The following FMR1 variants were observed in gnomAD, a reference collection of about 807,000 sequenced individuals.
FMR1 encodes FMRP translational regulator 1.
In FMR1, 13 loss-of-function variants were observed where a neutral mutation model predicts 50.6. The ratio of observed to expected loss-of-function variants is 0.26; its 90% CI spans 0.17 to 0.41. The LOEUF is 0.41. FMR1 is among the 10% of genes least tolerant of loss of function. The pLI, the probability that FMR1 is intolerant of heterozygous loss-of-function variation, is 1.00. For synonymous variants in FMR1, 138 were observed against 164.1 expected, an observed-to-expected ratio of 0.84 and a Z score of 1.22; for missense variants, 316 against 491.3, an observed-to-expected ratio of 0.64 and a Z score of 3.37.
intron 9 of FMR1, among the ~76,000 whole-genome samples, chrX:147,932,971 G>A (rs986653806): frequency 9.2e-6 from 1 of 108,513 alleles, no homozygotes; most frequent in Non-Finnish European, 1.9e-5. Context: ...ATGTATACAC[G>A]TGACATGCTG....
intron 9 of FMR1, among the ~76,000 whole-genome samples, chrX:147,933,052 C>T (rs1282552552): frequency 2.7e-5 from 2 of 73,172 alleles, no homozygotes; most frequent in African/African-American, 1.1e-4. Flanking sequence ...CCCCCTCCCC[C>T]CACCCCACAA....
Position 147,950,121 on chromosome X carries a change from G to A in FMR1, c.*1277G>A, listed in dbSNP as rs1557183283. 3.1e-6 allele frequency: 1 copy of A among 323,772 alleles called. No individual in the cohort carries two copies. Among genetic ancestry groups the A allele is most frequent in the Non-Finnish European group, 5.9e-6 (1 of 168,576 alleles). The allele number at this position is 323,772 out of a possible 1,213,427, so 26.7% of individuals were successfully genotyped here. A position where few individuals can be genotyped will look rare whatever the true frequency, so the allele number is the denominator to read the frequency against. ...TGAAATTTATTGAGGAAAAATATGT[G>A]AAGGACCTTCACTCTAAGATGTTAT... On this transcript the variant is annotated 3_prime_UTR_variant, in exon 17 of 17. Transcript: ENST00000370475.
intron 1 of FMR1, among the ~76,000 whole-genome samples, chrX:147,920,400 C>G (rs2043102611): frequency 9.0e-6 from 1 of 111,662 alleles, no homozygotes; most frequent in Non-Finnish European, 1.9e-5. Context: ...TGGAATGCCT[C>G]TCCATCCTCC....
intron 14 of FMR1, 142 bp from the exon 15 acceptor site, chrX:147,944,727 G>A: frequency 9.5e-7 from 1 of 1,050,191 alleles, no homozygotes; most frequent in Admixed American, 4.3e-5. Flanking sequence ...TTTATGAAAT[G>A]GAAAGTGATA....
In FMR1 at chrX:147,936,341, G is replaced by T. The variant is rs782530601; in HGVS notation, c.881-163G>T. ...AACAGAAAACCAGATTAACCATCTT[G>T]TTGAAAAGAGTCTCTACTTTGGTTT... On this transcript the variant is annotated intron_variant, in intron 9 of 16. Transcript: ENST00000370475. 4.5e-5 allele frequency among the ~76,000 whole-genome samples: 5 copies of T among 112,115 alleles called. No individual in the cohort carries two copies. The South Asian group carries it at 1.8e-3, about 41-fold the overall frequency.
In FMR1 at chrX:147,948,988, T is replaced by G. The variant is rs1557182785; in HGVS notation, c.*144T>G. The G allele has an allele frequency of 1.6e-6, 1 of 621,708 alleles. No individual in the cohort carries two copies. The highest frequency in any genetic ancestry group is 3.6e-5 in the East Asian group (1 of 28,146). 51.2% of individuals were successfully genotyped at this position (621,708 alleles called of 1,213,427 possible). A position where few individuals can be genotyped will look rare whatever the true frequency, so the allele number is the denominator to read the frequency against. ...CACAAATTATGCTAAGAATTTTTTATTTTTTGGTATTGGCCATAAGCAACA... is the reference window on the plus strand; with the variant it reads ...CACAAATTATGCTAAGAATTTTTTAGTTTTTGGTATTGGCCATAAGCAACA... On this transcript the variant is annotated 3_prime_UTR_variant, in exon 17 of 17. Coordinates refer to ENST00000370475, the MANE Select transcript of FMR1 (RefSeq NM_002024.6).
In FMR1 at chrX:147,940,577, G is replaced by T; in HGVS notation, c.1190G>T (p.Gly397Val). ...TCATTGTTGCAATTTCTTTTTCAGG[G>T]TATGGTACCATTTGTTTTTGTGGGA... ...SQKPELKAWQ[G>V]MVPFVFVGTK... is the part of the protein sequence containing the mutation. The change falls in exon 13 of 17, where the codon GGT becomes GTT. Residue 397 changes from glycine to valine, a missense_variant and splice_region_variant. Transcript: ENST00000370475. 8.5e-7 allele frequency: 1 copy of T among 1,178,161 alleles called. No individual in the cohort carries two copies. The highest frequency in any genetic ancestry group is 1.2e-6 in the Non-Finnish European group (1 of 865,171).
intron 1 of FMR1, among the ~76,000 whole-genome samples, chrX:147,914,772 C>T (rs913934201): frequency 2.7e-5 from 3 of 112,152 alleles, no homozygotes; most frequent in Admixed American, 9.5e-5. Context: ...GGCACTTTGA[C>T]TTACACCTCA....
At chrX:147,948,558 G>A (rs2044252232) in intron 16 of FMR1, 125 bp from the exon 17 acceptor site, 1 of 1,154,382 alleles carries the variant, frequency 8.7e-7, no homozygotes, top group African/African-American at 1.8e-5. Flanking sequence ...CACTTCTTCT[G>A]TTCTCATCTC....
chrX:147,932,895 A>T, intron 9 of FMR1, 132 bp downstream of exon 9: 1 of 484,015 alleles, frequency 2.1e-6, no homozygotes, highest in Non-Finnish European at 3.6e-6. Context: ...TTGAAATATG[A>T]TCTGTTCTTT....
rs1249473666 is a variant in FMR1, at chrX:147,916,071, T to C, written c.51+3841T>C. Among the ~76,000 whole-genome samples the C allele has an allele frequency of 3.6e-5, 4 of 112,469 alleles. No homozygotes were observed. In the Admixed American group the frequency reaches 3.7e-4, roughly 11 times the overall value. Reference sequence around the variant, plus strand: ...AATTCAGTTTATGTGCCAGCTTTTTTTGTTACTAATTCTTGAACCTTGGCG... The same window carrying C: ...AATTCAGTTTATGTGCCAGCTTTTTCTGTTACTAATTCTTGAACCTTGGCG... On this transcript the variant is annotated intron_variant, in intron 1 of 16. Transcript: ENST00000370475.
chrX:147,933,500 C>T, intron 9 of FMR1: 1 of 940,339 alleles, frequency 1.1e-6, no homozygotes. Context: ...AATAGTAATT[C>T]TTCATTTTGA....
intron 2 of FMR1, among the ~76,000 whole-genome samples, chrX:147,923,052 C>G (rs782004243): frequency 1.5e-3 from 165 of 111,975 alleles, no homozygotes; most frequent in African/African-American, 5.1e-3. Flanking sequence ...TAAATACACA[C>G]ATCTTGCTTC....
In FMR1 at chrX:147,912,192, G is replaced by C. The variant is rs781928912; in HGVS notation, c.13G>C (p.Val5Leu). 1.7e-6 allele frequency: 2 copies of C among 1,160,851 alleles called. No homozygotes were observed. The highest frequency in any genetic ancestry group is 3.8e-5 in the South Asian group (2 of 52,389). MEEL[V>L]VEVRGSNGAF... ...GGCTGAAGAGAAGATGGAGGAGCTGGTGGTGGAAGTGCGGGGCTCCAATGG... is the reference window on the plus strand; with the variant it reads ...GGCTGAAGAGAAGATGGAGGAGCTGCTGGTGGAAGTGCGGGGCTCCAATGG... The change falls in exon 1 of 17, where the codon GTG becomes CTG. Residue 5 changes from valine (V) to leucine (L), a missense_variant. Physicochemically the swap from Val to Leu is conservative, Grantham distance 32. Around this residue, in one of 4 missense-constraint regions of FMR1, gnomAD observed 124 missense variants for 238.1 expected, o/e 0.52. Coordinates refer to ENST00000370475, the MANE Select transcript of FMR1 (RefSeq NM_002024.6).
At chrX:147,912,814 T>C in intron 1 of FMR1, 1 of 297,470 alleles carries the variant, frequency 3.4e-6, no homozygotes, top group Admixed American at 6.0e-5. Flanking sequence ...CAAATCACAA[T>C]GGCAACTGAT....
rs782377065 is a variant in FMR1, at chrX:147,930,192, G to A, written c.578G>A (p.Arg193His). 1 of 1,208,307 alleles carries A rather than the reference G, an allele frequency of 8.3e-7. No homozygotes were observed. The highest frequency in any genetic ancestry group is 1.8e-5 in the South Asian group (1 of 56,891). The change falls in exon 7 of 17, where the codon CGC (arginine) becomes CAC (histidine). Residue 193 changes from arginine to histidine, a missense_variant. Arg to His is a conservative substitution (Grantham distance 29). This residue lies in a region of FMR1 where 124 missense variants were observed against 238.1 expected (regional missense o/e 0.52). Coordinates refer to ENST00000370475, the MANE Select transcript of FMR1 (RefSeq NM_002024.6). ...ATTGACATGCACTTTCGGAGTCTGC[G>A]CACTAAGTTGTCTCTGATAATGAGA... is the stretch of plus-strand genomic sequence containing the variant. ...MLIDMHFRSLRTKLSLIMRNE... is the reference protein window; with the variant it reads ...MLIDMHFRSLHTKLSLIMRNE...
chrX:147,916,567 T>C (rs1436035551), intron 1 of FMR1, among the ~76,000 whole-genome samples: 2 of 111,178 alleles, frequency 1.8e-5, no homozygotes, highest in Non-Finnish European at 3.8e-5. Flanking sequence ...TTTGGTTTTC[T>C]TTCTTCCTTT....
At chrX:147,933,790 T>G (rs941118267) in intron 9 of FMR1, 18 of 257,799 alleles carry the variant, frequency 7.0e-5, no homozygotes, top group Non-Finnish European at 9.2e-5. Flanking sequence ...TTCTCATACA[T>G]TCTGTTTACG....
rs375991236 is a variant in FMR1, at chrX:147,930,075, A to G, written c.513+34A>G. On this transcript the variant is annotated intron_variant, in intron 6 of 16. Transcript: ENST00000370475. Reference sequence around the variant, plus strand: ...TTTTGAGTTGTTTATTTTTAGTTTAATTCATCTGGGGCAATTGCCTTGATA... The same window carrying G: ...TTTTGAGTTGTTTATTTTTAGTTTAGTTCATCTGGGGCAATTGCCTTGATA... 6.0e-5 allele frequency: 69 copies of G among 1,143,937 alleles called. No individual in the cohort carries two copies. In the African/African-American group the frequency reaches 1.1e-3, roughly 18 times the overall value. The allele number at this position is 1,143,937 out of a possible 1,213,427, so 94.3% of individuals were successfully genotyped here.
Sources: gnomAD v4.1 joint callset for allele counts (sites outside exome capture counted in the v4.1 genomes callset) on GRCh38, gnomAD v4.1.1 for gene constraint, gnomAD v4.1.1 regional missense constraint, MANE v1.5 for transcripts, NCBI Gene and HGNC (gene_info 2026-07-23, HGNC 2026-07-21) for gene names.